The following HSD3B2 variants were observed in gnomAD, a reference collection of about 807,000 sequenced individuals.
HSD3B2 encodes hydroxy-delta-5-steroid dehydrogenase, 3 beta- and steroid delta-isomerase 2, also known as 3 beta-hydroxysteroid dehydrogenase/Delta 5-->4-isomerase type 2.
Under a neutral mutation model 9.9 loss-of-function variants are expected in HSD3B2, and 8 were observed. That is an observed-to-expected ratio of 0.81 (90% CI 0.47 to 1.46). The LOEUF is 1.46. HSD3B2 is among the 40% of genes most tolerant of loss of function. The pLI is 0.00. For synonymous variants in HSD3B2, 221 were observed against 184.5 expected, an observed-to-expected ratio of 1.20 and a Z score of -1.60; for missense variants, 410 against 448.3, an observed-to-expected ratio of 0.91 and a Z score of 0.77.
intron 3 of HSD3B2, among the ~76,000 whole-genome samples, chr1:119,420,212 A>G (rs113137203): frequency 0.036 from 5,450 of 152,194 alleles, 296 homozygotes; most frequent in African/African-American, 0.11. Context: ...TTACAGAGCC[A>G]TTTCCTGCCA....
rs1246490139 is a variant in HSD3B2 at position 119,421,379 on chromosome 1, ATATATATATATG to A, written c.308-406_308-395del. 8.6e-4 allele frequency among the ~76,000 whole-genome samples: 95 copies of A among 110,852 alleles called. No homozygotes were observed. In the East Asian group the frequency reaches 0.028, roughly 33 times the overall value. The allele number at this position is 110,852 out of a possible 152,430, so 72.7% of individuals were successfully genotyped here. ...TTTTCCAAAATTAAAGTGTGTGTGT[ATATATATATATG>A]TATATATATATGTATATATATATAT... On this transcript the variant is annotated intron_variant, in intron 3 of 3. Coordinates refer to ENST00000369416, the MANE Select transcript of HSD3B2 (RefSeq NM_000198.4).
Position 119,422,317 on chromosome 1 carries a change from CAA to C in HSD3B2, c.818_819del (p.Lys273ArgfsTer7), listed in dbSNP as rs754609778. ...SYDNLNYILS[K>X]EFGLRLDSRW... ...ATGATAACCTTAATTACATCCTGAG[CAA>C]AGAGTTTGGCCTCCGCCTTGATTCC... is the stretch of plus-strand genomic sequence containing the variant. On this transcript the variant is annotated frameshift_variant, in exon 4 of 4. Coordinates refer to ENST00000369416, the MANE Select transcript of HSD3B2 (RefSeq NM_000198.4). LOFTEE classifies it low-confidence loss of function (END_TRUNC). The C allele has an allele frequency of 8.1e-6, 13 of 1,614,182 alleles. No individual in the cohort carries two copies. In the South Asian group the frequency reaches 1.3e-4, roughly 16 times the overall value.
At chr1:119,417,231 G>A (rs1651735565) in intron 2 of HSD3B2, 1 of 152,200 alleles carries the variant, frequency 6.6e-6, no homozygotes, top group Non-Finnish European at 1.5e-5. Context: ...CAGCTTCTCT[G>A]AGCCTCCCTC....
chr1:119,415,423 G>T lies in HSD3B2; in HGVS notation c.4G>T (p.Gly2Cys). The T allele has an allele frequency of 2.5e-6, 4 of 1,613,940 alleles. No homozygotes were observed. Among genetic ancestry groups the T allele is most frequent in the Non-Finnish European group, 3.4e-6 (4 of 1,179,900 alleles). M[G>C]WSCLVTGAGG... Reference sequence around the variant, plus strand: ...CTGCTACTTTGGATTGGCCACGATGGGCTGGAGCTGCCTTGTGACAGGAGC... The same window carrying T: ...CTGCTACTTTGGATTGGCCACGATGTGCTGGAGCTGCCTTGTGACAGGAGC... Residue 2 changes from glycine (G) to cysteine (C), a missense_variant, in exon 2 of 4, where the codon GGC becomes TGC. Transcript: ENST00000369416.
Position 119,415,408 on chromosome 1 carries a change from G to A in HSD3B2, c.-12G>A. 1 of 1,613,748 alleles carries A rather than the reference G, an allele frequency of 6.2e-7. No individual in the cohort carries two copies. The highest frequency in any genetic ancestry group is 1.7e-4 in the Middle Eastern group (1 of 6,010). On this transcript the variant is annotated 5_prime_UTR_variant, in exon 2 of 4. Transcript: ENST00000369416. ...CCTGGCAAGTGTTTCCTGCTACTTTGGATTGGCCACGATGGGCTGGAGCTG... is the reference window on the plus strand; with the variant it reads ...CCTGGCAAGTGTTTCCTGCTACTTTAGATTGGCCACGATGGGCTGGAGCTG...
rs587692614 is a variant in HSD3B2, at chr1:119,421,939, G to A, written c.438G>A (p.Leu146=). ...AGAACGGCCACGAAGAAGAGCCTCT[G>A]GAAAACACATGGCCCACTCCATACC... ...IIQNGHEEEP[L]ENTWPTPYPY... The change falls in exon 4 of 4, where the codon CTG becomes CTA. Residue 146 remains leucine, a synonymous_variant. Transcript: ENST00000369416. 1 of 1,614,048 alleles carries A rather than the reference G, an allele frequency of 6.2e-7. No individual in the cohort carries two copies. The highest frequency in any genetic ancestry group is 1.1e-5 in the South Asian group (1 of 91,076).
Position 119,415,404 on chromosome 1 carries a change from C to T in HSD3B2, c.-16C>T. On this transcript the variant is annotated 5_prime_UTR_variant, in exon 2 of 4. Coordinates refer to ENST00000369416, the MANE Select transcript of HSD3B2 (RefSeq NM_000198.4). ...GTTTCCTGGCAAGTGTTTCCTGCTA[C>T]TTTGGATTGGCCACGATGGGCTGGA... is the stretch of plus-strand genomic sequence containing the variant. 1.2e-6 allele frequency: 2 copies of T among 1,613,630 alleles called. No individual in the cohort carries two copies. The highest frequency in any genetic ancestry group is 1.7e-6 in the Non-Finnish European group (2 of 1,179,752).
Position 119,422,318 on chromosome 1 carries a change from A to C in HSD3B2, c.817A>C (p.Lys273Gln), listed in dbSNP as rs1479532654. Residue 273 changes from lysine to glutamine, a missense_variant, in exon 4 of 4, where the codon AAA (lysine) becomes CAA (glutamine). Coordinates refer to ENST00000369416, the MANE Select transcript of HSD3B2 (RefSeq NM_000198.4). ...TGATAACCTTAATTACATCCTGAGC[A>C]AAGAGTTTGGCCTCCGCCTTGATTC... ...SYDNLNYILS[K>Q]EFGLRLDSRW... is the part of the protein sequence containing the mutation. 1 of 1,614,144 alleles carries C rather than the reference A, an allele frequency of 6.2e-7. No homozygotes were observed. The highest frequency in any genetic ancestry group is 8.5e-7 in the Non-Finnish European group (1 of 1,180,006).
chr1:119,422,634 G>A lies in HSD3B2; in HGVS notation c.*14G>A, dbSNP rs747348624. ...AAGACTCAGTGATTTAAGGATGACAGAGATGTGCATGTGGGTATTGTTAGG... is the reference window on the plus strand; with the variant it reads ...AAGACTCAGTGATTTAAGGATGACAAAGATGTGCATGTGGGTATTGTTAGG... On this transcript the variant is annotated 3_prime_UTR_variant, in exon 4 of 4. Transcript: ENST00000369416. 1.5e-5 allele frequency: 25 copies of A among 1,613,150 alleles called. No individual in the cohort carries two copies. In the African/African-American group the frequency reaches 1.9e-4, roughly 12 times the overall value.
chr1:119,416,547 AC>A (rs2101337897), intron 2 of HSD3B2, among the ~76,000 whole-genome samples: 1 of 151,910 alleles, frequency 6.6e-6, no homozygotes, highest in African/African-American at 2.4e-5. Context: ...TCATCACTTG[AC>A]CCCCGGGCTA....
At position 119,422,304 on chromosome 1, in the gene HSD3B2, A is replaced by T; in HGVS notation, c.803A>T (p.Asn268Ile). The stretch of plus-strand genomic sequence containing the variant: ...CCTCACCAAAGCTATGATAACCTTA[A>T]TTACATCCTGAGCAAAGAGTTTGGC... ...DTPHQSYDNL[N>I]YILSKEFGLR... Residue 268 changes from asparagine (N) to isoleucine (I), a missense_variant, in exon 4 of 4, where the codon AAT becomes ATT. Transcript: ENST00000369416. 6.2e-7 allele frequency: 1 copy of T among 1,614,118 alleles called. No homozygotes were observed. The highest frequency in any genetic ancestry group is 1.1e-5 in the South Asian group (1 of 91,084).
chr1:119,418,577 A>T (rs1651770051), intron 2 of HSD3B2, among the ~76,000 whole-genome samples: 1 of 151,954 alleles, frequency 6.6e-6, no homozygotes, highest in Admixed American at 6.6e-5. Context: ...CCTCAAGCCA[A>T]GGTAAACTTC....
At position 119,422,409 on chromosome 1, in the gene HSD3B2, T is replaced by C; in HGVS notation, c.908T>C (p.Leu303Pro). Residue 303 changes from leucine to proline, a missense_variant, in exon 4 of 4, where the codon CTA becomes CCA. Leu to Pro is a moderately conservative substitution (Grantham distance 98). Transcript: ENST00000369416. ...TTCCTGCTGGAAGTAGTGAGCTTCC[T>C]ACTCAGCCCAATTTACTCCTATCAA... ...IGFLLEVVSFLLSPIYSYQPP... is the reference protein window; with the variant it reads ...IGFLLEVVSFPLSPIYSYQPP... 6.2e-7 allele frequency: 1 copy of C among 1,614,146 alleles called. No homozygotes were observed.
In HSD3B2 at chr1:119,419,415, C is replaced by G; in HGVS notation, c.143-3C>G. ...TCCAATGACCTGACCTGTGTTCACA[C>G]AGAGCTCCAGAACAGGACCAAGCTG... On this transcript the variant is annotated splice_polypyrimidine_tract_variant and splice_region_variant and intron_variant, in intron 2 of 3. Transcript: ENST00000369416. 6.2e-7 allele frequency: 1 copy of G among 1,613,682 alleles called. No homozygotes were observed. Among genetic ancestry groups the G allele is most frequent in the Non-Finnish European group, 8.5e-7 (1 of 1,179,744 alleles).
chr1:119,416,955 G>A (rs918791791), intron 2 of HSD3B2, among the ~76,000 whole-genome samples: 1 of 152,228 alleles, frequency 6.6e-6, no homozygotes, highest in African/African-American at 2.4e-5. Flanking sequence ...GGCAGGGCCT[G>A]TATGAAGATA....
At chr1:119,419,277 C>A (rs1028056879) in intron 2 of HSD3B2, 141 bp from the exon 3 acceptor site, 43 of 770,024 alleles carry the variant, frequency 5.6e-5, no homozygotes, top group Middle Eastern at 2.3e-4. Context: ...TTTACTTGTT[C>A]CTTTTATGGA....
intron 3 of HSD3B2, among the ~76,000 whole-genome samples, chr1:119,420,233 G>A (rs587754556): frequency 5.3e-4 from 80 of 152,230 alleles, no homozygotes; most frequent in Non-Finnish European, 1.0e-3. Flanking sequence ...GGTGCCCAAA[G>A]TGCACCCTCA....
chr1:119,418,283 A>T (rs1651762969), intron 2 of HSD3B2, among the ~76,000 whole-genome samples: 2 of 152,190 alleles, frequency 1.3e-5, no homozygotes, highest in Non-Finnish European at 2.9e-5. Context: ...TAATCATTTA[A>T]GCCCATCTGC....
chr1:119,421,703 T>TAACC (rs1199798349), intron 3 of HSD3B2, 106 bp from the exon 4 acceptor site: 2 of 1,267,498 alleles, frequency 1.6e-6, no homozygotes, highest in Admixed American at 3.4e-5. Context: ...GAGTCTGTTA[T>TAACC]AACCACTGCA....
Sources: gnomAD v4.1 joint callset for allele counts (sites outside exome capture counted in the v4.1 genomes callset) on GRCh38, gnomAD v4.1.1 for gene constraint, MANE v1.5 for transcripts, NCBI Gene and HGNC (gene_info 2026-07-23, HGNC 2026-07-21) for gene names.